The following APPL1 variants were observed in gnomAD, a reference collection of about 807,000 sequenced individuals.
APPL1 encodes the protein adaptor protein, phosphotyrosine interacting with PH domain and leucine zipper 1, also known as DCC-interacting protein 13-alpha.
A neutral mutation model predicts 106.8 loss-of-function variants in APPL1; 42 were observed. The ratio of observed to expected loss-of-function variants is 0.39; its 90% CI spans 0.31 to 0.51. The LOEUF (loss-of-function observed/expected upper bound fraction) is 0.51, where lower values mean the gene tolerates loss of function less well. Among genes scored for constraint, APPL1 ranks in the 20% least tolerant of loss-of-function variants. APPL1 has a pLI of 0.75. For missense variants in APPL1, 769 were observed against 858.2 expected (o/e 0.90, Z 1.30); for synonymous variants, 263 against 281.8 (o/e 0.93, Z 0.67).
intron 9 of APPL1, 79 bp downstream of exon 9, chr3:57,247,556 A>G: frequency 2.2e-6 from 2 of 909,792 alleles, no homozygotes; most frequent in Non-Finnish European, 3.4e-6. Context: ...AAAGATATTT[A>G]TCATTTACTT....
chr3:57,259,133 G>T, intron 16 of APPL1, 53 bp downstream of exon 16: 1 of 1,427,014 alleles, frequency 7.0e-7, no homozygotes, highest in Non-Finnish European at 9.8e-7. Context: ...TCAGCAAACT[G>T]TGAATAATTT....
chr3:57,233,255 C>T (rs778790132), intron 1 of APPL1, among the ~76,000 whole-genome samples: 23 of 152,110 alleles, frequency 1.5e-4, no homozygotes, highest in Non-Finnish European at 2.8e-4. Context: ...AATGATGCAT[C>T]TTACAATGGA....
chr3:57,254,982 G>C (rs2060827380), intron 13 of APPL1, among the ~76,000 whole-genome samples: 1 of 152,238 alleles, frequency 6.6e-6, no homozygotes, highest in Admixed American at 6.5e-5. Context: ...AGTCACTTAG[G>C]GGTCTTGTTA....
At chr3:57,261,591 T>C (rs965208504) in intron 19 of APPL1, among the ~76,000 whole-genome samples, 2 of 152,192 alleles carry the variant, frequency 1.3e-5, no homozygotes, top group African/African-American at 2.4e-5. Context: ...CGATCTTGGC[T>C]CACTGCAACC....
chr3:57,233,927 GA>G (rs373873821), intron 1 of APPL1, among the ~76,000 whole-genome samples: 92 of 152,036 alleles, frequency 6.1e-4, no homozygotes, highest in African/African-American at 2.1e-3. Context: ...ACAAAAAATA[GA>G]AAAAAAGTAG....
chr3:57,262,384 C>CTTTTTTTTTT (rs1281642126), intron 19 of APPL1, among the ~76,000 whole-genome samples: 2 of 17,940 alleles, frequency 1.1e-4, no homozygotes, highest in African/African-American at 4.2e-4. Flanking sequence ...TGGAAAATAA[C>CTTTTTTTTTT]CTTTTTTTTT....
chr3:57,244,132 T>G (rs995775198), intron 7 of APPL1, among the ~76,000 whole-genome samples: 20 of 151,940 alleles, frequency 1.3e-4, no homozygotes, highest in Non-Finnish European at 2.6e-4. Flanking sequence ...CAGTTCACTT[T>G]GATTGGTGAA....
intron 4 of APPL1, among the ~76,000 whole-genome samples, chr3:57,240,064 TTC>T (rs2060736929): frequency 6.6e-6 from 1 of 151,986 alleles, no homozygotes; most frequent in Non-Finnish European, 1.5e-5. Context: ...GTTGTAAAAG[TTC>T]TCTTTCTAGA....
intron 12 of APPL1, among the ~76,000 whole-genome samples, chr3:57,252,857 C>T (rs2060812238): frequency 6.6e-6 from 1 of 152,098 alleles, no homozygotes; most frequent in Non-Finnish European, 1.5e-5. Flanking sequence ...TGCTTCAAAC[C>T]TTTATCTTGA....
chr3:57,267,893 A>G (rs1293698915), intron 20 of APPL1, 101 bp downstream of exon 20: 4 of 1,221,298 alleles, frequency 3.3e-6, no homozygotes, highest in Non-Finnish European at 3.6e-6. Context: ...GGAGTTCGAG[A>G]CTAACCTGGC....
intron 15 of APPL1, among the ~76,000 whole-genome samples, chr3:57,257,784 G>A (rs1378074956): frequency 1.3e-5 from 2 of 152,110 alleles, no homozygotes; most frequent in Non-Finnish European, 2.9e-5. Context: ...AGGTTTATTA[G>A]AAAATATTAT....
chr3:57,228,536 A>G lies in APPL1; in HGVS notation c.54+599A>G, dbSNP rs1031356122. Among the ~76,000 whole-genome samples the G allele has an allele frequency of 4.2e-4, 64 of 152,202 alleles. 1 individual carries two copies. The highest frequency in any genetic ancestry group is 1.3e-4 in the Admixed American group (2 of 15,280). On this transcript the variant is annotated intron_variant, in intron 1 of 21. Transcript: ENST00000288266. This position sits in a 1 kb window ranked among gnomAD's most constrained non-coding sequence, Gnocchi z 4.6. ...TCACTCGAGCTGTGCACGGCGAGGG[A>G]TGGACGGTGCCTTCGCCGCTCCGCG...
rs1050631358 is a variant in APPL1 at position 57,237,984 on chromosome 3, T to G, written c.214-61T>G. On this transcript the variant is annotated intron_variant, in intron 3 of 21. Transcript: ENST00000288266. ...AGTTATTTAAAAATGTAAATTATAG[T>G]AATGTCATTCCCAAAAGACACAGCA... The G allele has an allele frequency of 3.7e-5, 46 of 1,255,940 alleles. 1 individual carries two copies. In the South Asian group the frequency reaches 4.8e-4, roughly 13 times the overall value. 77.8% of individuals were successfully genotyped at this position (1,255,940 alleles called of 1,614,324 possible). A position where few individuals can be genotyped will look rare whatever the true frequency, so the allele number is the denominator to read the frequency against.
At chr3:57,268,014 A>G in intron 20 of APPL1, 1 of 572,268 alleles carries the variant, frequency 1.7e-6, no homozygotes, top group Non-Finnish European at 3.1e-6. Flanking sequence ...AATGACTTGA[A>G]TCCGGGAGGC....
rs1204380905 is a variant in APPL1, at chr3:57,228,426, T to C, written c.54+489T>C. Among the ~76,000 whole-genome samples, 2 of 152,172 alleles carry C rather than the reference T, an allele frequency of 1.3e-5. No individual in the cohort carries two copies. The highest frequency in any genetic ancestry group is 2.9e-5 in the Non-Finnish European group (2 of 68,024). On this transcript the variant is annotated intron_variant, in intron 1 of 21. Coordinates refer to ENST00000288266, the MANE Select transcript of APPL1 (RefSeq NM_012096.3). The surrounding 1 kb of genome is among the most constrained non-coding windows in gnomAD (Gnocchi z 4.6). ...TGTAAGGTTGTGTGTGGAGCCCTAATGGCAAAGCCCGTGACGGGTCCCGGA... is the reference window on the plus strand; with the variant it reads ...TGTAAGGTTGTGTGTGGAGCCCTAACGGCAAAGCCCGTGACGGGTCCCGGA...
intron 1 of APPL1, among the ~76,000 whole-genome samples, chr3:57,232,266 A>G (rs954090257): frequency 6.6e-6 from 1 of 152,234 alleles, no homozygotes; most frequent in Non-Finnish European, 1.5e-5. Context: ...TTTGCATAAT[A>G]TGAATTAATC....
At chr3:57,252,775 G>A (rs918055668) in intron 12 of APPL1, among the ~76,000 whole-genome samples, 3 of 152,128 alleles carry the variant, frequency 2.0e-5, no homozygotes, top group African/African-American at 7.2e-5. Context: ...TTCCTCATGA[G>A]CCTTTTATTT....
intron 2 of APPL1, among the ~76,000 whole-genome samples, chr3:57,236,099 C>CA (rs1178905461): frequency 1.4e-5 from 2 of 147,580 alleles, no homozygotes; most frequent in African/African-American, 5.0e-5. Flanking sequence ...GGCTGGAGTG[C>CA]AGTAGTGTGA....
At chr3:57,239,640 T>G (rs753305547) in intron 4 of APPL1, among the ~76,000 whole-genome samples, 2 of 152,214 alleles carry the variant, frequency 1.3e-5, no homozygotes, top group Non-Finnish European at 2.9e-5. Flanking sequence ...AAGATTGTTT[T>G]TTTTGTTTTG....
Sources: allele counts gnomAD v4.1 joint callset (sites outside exome capture counted in the v4.1 genomes callset), GRCh38; gene constraint gnomAD v4.1.1; non-coding constraint Gnocchi (gnomAD v3.1); transcripts MANE v1.5; gene names NCBI Gene and HGNC (gene_info 2026-07-23, HGNC 2026-07-21).